The following DCC variants were observed in gnomAD, a reference collection of about 807,000 sequenced individuals.
DCC encodes the protein DCC netrin 1 receptor, also known as netrin receptor DCC.
Under a neutral mutation model 172.5 loss-of-function variants are expected in DCC, and 58 were observed. The observed-to-expected ratio is 0.34, with a 90% CI of 0.27 to 0.42. DCC has a LOEUF of 0.42. Ranked by LOEUF, DCC falls within the 10% of genes least tolerant of loss-of-function variation. The pLI, the probability that DCC is intolerant of heterozygous loss-of-function variation, is 1.00. For missense variants in DCC, 1,740 were observed against 1,791.0 expected, an observed-to-expected ratio of 0.97 and a Z score of 0.51; for synonymous variants, 709 against 644.5, an observed-to-expected ratio of 1.10 and a Z score of -1.52.
intron 1 of DCC, among the ~76,000 whole-genome samples, chr18:52,462,146 C>G (rs1476480495): frequency 6.6e-6 from 1 of 152,144 alleles, no homozygotes; most frequent in Non-Finnish European, 1.5e-5. Flanking sequence ...GAAGTTATTG[C>G]CATAAGCACA....
chr18:52,782,464 T>G (rs1176401363), intron 2 of DCC, among the ~76,000 whole-genome samples: 3 of 152,120 alleles, frequency 2.0e-5, no homozygotes, highest in Non-Finnish European at 2.9e-5. Flanking sequence ...ATTTTATATA[T>G]TGGACCTACC....
At chr18:52,939,338 T>A (rs2040426928) in intron 5 of DCC, among the ~76,000 whole-genome samples, 1 of 152,176 alleles carries the variant, frequency 6.6e-6, no homozygotes, top group Admixed American at 6.5e-5. Flanking sequence ...TAAGACCATC[T>A]CTCATAGTTA....
chr18:52,830,510 C>T (rs1353439628), intron 2 of DCC, among the ~76,000 whole-genome samples: 1 of 152,094 alleles, frequency 6.6e-6, no homozygotes, highest in Non-Finnish European at 1.5e-5. Context: ...TGTGCAAGGG[C>T]AGAAGCAGCA....
At chr18:53,120,281 G>C (rs1458865315) in intron 7 of DCC, among the ~76,000 whole-genome samples, 3 of 151,706 alleles carry the variant, frequency 2.0e-5, no homozygotes, top group Non-Finnish European at 4.4e-5. Flanking sequence ...GCTTCAATTA[G>C]TATAGAATAA....
intron 21 of DCC, among the ~76,000 whole-genome samples, chr18:53,429,922 G>A (rs746836928): frequency 1.3e-5 from 2 of 152,002 alleles, no homozygotes; most frequent in Non-Finnish European, 2.9e-5. Context: ...AATATCCTAC[G>A]TGTTGGTTAT....
intron 5 of DCC, among the ~76,000 whole-genome samples, chr18:53,054,865 C>G (rs1253448143): frequency 6.6e-6 from 1 of 152,094 alleles, no homozygotes; most frequent in Non-Finnish European, 1.5e-5. Context: ...ATTCAAAGGT[C>G]TAACATTTTA....
intron 1 of DCC, among the ~76,000 whole-genome samples, chr18:52,749,941 A>T (rs979687934): frequency 5.3e-5 from 8 of 152,276 alleles, no homozygotes; most frequent in African/African-American, 1.9e-4. Context: ...CTCTAGCGAA[A>T]TATCTTGGCA....
chr18:52,826,672 T>C (rs979711262), intron 2 of DCC, among the ~76,000 whole-genome samples: 5 of 151,790 alleles, frequency 3.3e-5, no homozygotes, highest in African/African-American at 1.2e-4. Flanking sequence ...AGAGATGGGG[T>C]TTCACCATGT....
chr18:52,609,884 T>C (rs1258124472), intron 1 of DCC, among the ~76,000 whole-genome samples: 1 of 151,984 alleles, frequency 6.6e-6, no homozygotes, highest in Non-Finnish European at 1.5e-5. Flanking sequence ...ATGTTGATGA[T>C]ATCACTGTAT....
intron 5 of DCC, among the ~76,000 whole-genome samples, chr18:53,014,916 AT>A (rs1451937093): frequency 6.6e-6 from 1 of 152,154 alleles, no homozygotes; most frequent in Non-Finnish European, 1.5e-5. Context: ...ATTTAATTTA[AT>A]TCCCAAGGGA....
At chr18:53,450,909 C>G (rs1057510417) in intron 23 of DCC, among the ~76,000 whole-genome samples, 1 of 152,052 alleles carries the variant, frequency 6.6e-6, no homozygotes, top group African/African-American at 2.4e-5. Flanking sequence ...CTTCTCTGAC[C>G]CCTTCTCATT....
chr18:52,862,569 G>T (rs987363867), intron 2 of DCC, among the ~76,000 whole-genome samples: 2 of 151,912 alleles, frequency 1.3e-5, no homozygotes, highest in African/African-American at 4.8e-5. Flanking sequence ...ATGGTGGCAC[G>T]TGCCTGTAGT....
intron 5 of DCC, among the ~76,000 whole-genome samples, chr18:53,032,908 T>C (rs574927030): frequency 3.9e-5 from 6 of 152,296 alleles, no homozygotes; most frequent in African/African-American, 1.4e-4. Flanking sequence ...GCTCTAAATC[T>C]GAGTTTTCTC....
intron 1 of DCC, among the ~76,000 whole-genome samples, chr18:52,391,377 G>A (rs1470003032): frequency 6.6e-6 from 1 of 152,106 alleles, no homozygotes; most frequent in Admixed American, 6.6e-5. Context: ...ACAAAAGAGA[G>A]ATCCAATTTT....
chr18:52,939,903 A>G (rs2040434623), intron 5 of DCC, among the ~76,000 whole-genome samples: 1 of 152,186 alleles, frequency 6.6e-6, no homozygotes, highest in South Asian at 2.1e-4. Context: ...TCTGTCAAAC[A>G]AAAAATAGAA....
At position 53,172,403 on chromosome 18, in the gene DCC, C is replaced by G. The variant is rs556528455; in HGVS notation, c.1419-6559C>G. ...GGTCATGACAAGATCAATCATACCT[C>G]AAACCACAGCATCACACAATATACC... On this transcript the variant is annotated intron_variant, in intron 8 of 28. Coordinates refer to ENST00000442544, the MANE Select transcript of DCC (RefSeq NM_005215.4). Among the ~76,000 whole-genome samples the G allele has an allele frequency of 2.0e-5, 3 of 151,158 alleles. No individual in the cohort carries two copies. The East Asian group carries it at 5.8e-4, about 29-fold the overall frequency.
At chr18:52,986,800 C>CGTGTAGTATATATATACACACAT (rs2145614126) in intron 5 of DCC, among the ~76,000 whole-genome samples, 1 of 151,218 alleles carries the variant, frequency 6.6e-6, no homozygotes, top group African/African-American at 2.4e-5. Flanking sequence ...TATACACACA[C>CGTGTAGTATATATATACACACAT]GTGTAGTATA....
intron 1 of DCC, among the ~76,000 whole-genome samples, chr18:52,403,881 CTGAGAGA>C (rs1173821219): frequency 3.9e-5 from 6 of 152,148 alleles, no homozygotes; most frequent in South Asian, 2.1e-4. Flanking sequence ...GTATTGTTCA[CTGAGAGA>C]TGAACAAATA....
At chr18:53,527,377 C>A (rs1178220870) in intron 28 of DCC, among the ~76,000 whole-genome samples, 5 of 151,344 alleles carry the variant, frequency 3.3e-5, no homozygotes, top group Non-Finnish European at 5.9e-5. Flanking sequence ...CATTACTACA[C>A]CAACTTATAC....
Sources: allele counts gnomAD v4.1 joint callset (sites outside exome capture counted in the v4.1 genomes callset), GRCh38; gene constraint gnomAD v4.1.1; transcripts MANE v1.5; gene names NCBI Gene and HGNC (gene_info 2026-07-23, HGNC 2026-07-21).